The following PRKCA variants were observed in gnomAD, a reference collection of about 807,000 sequenced individuals.
PRKCA encodes protein kinase C alpha type.
PRKCA carries 27 observed loss-of-function variants against 87.0 expected under a neutral mutation model. The observed-to-expected ratio is 0.31, with a 90% CI of 0.23 to 0.43. The LOEUF is 0.43. PRKCA is among the 20% of genes least tolerant of loss of function. PRKCA has a pLI of 1.00. For synonymous variants in PRKCA, 329 were observed against 311.1 expected (o/e 1.06, Z -0.61); for missense variants, 518 against 852.3 (o/e 0.61, Z 4.88).
chr17:66,623,054 G>A (rs1036844953), intron 3 of PRKCA, among the ~76,000 whole-genome samples: 1 of 152,206 alleles, frequency 6.6e-6, no homozygotes, highest in African/African-American at 2.4e-5. Flanking sequence ...ATTTCCTGTA[G>A]GACAGACATT....
chr17:66,541,607 G>A (rs1967991438), intron 3 of PRKCA, among the ~76,000 whole-genome samples: 2 of 152,346 alleles, frequency 1.3e-5, no homozygotes, highest in African/African-American at 4.8e-5. Flanking sequence ...CACGTGCAAA[G>A]CAGAGCTGAC....
intron 14 of PRKCA, 124 bp from the exon 15 acceptor site, chr17:66,786,741 CTG>C (rs1256429813): frequency 3.1e-6 from 2 of 645,446 alleles, no homozygotes. Context: ...GCTGAGCAAA[CTG>C]TGCAGCCTGT....
At chr17:66,728,419 C>T (rs1973807666) in intron 8 of PRKCA, among the ~76,000 whole-genome samples, 1 of 152,220 alleles carries the variant, frequency 6.6e-6, no homozygotes, top group African/African-American at 2.4e-5. Flanking sequence ...AAGAATCTGC[C>T]CAGGCAGAGC....
intron 2 of PRKCA, chr17:66,414,895 T>G (rs1223131205): frequency 6.6e-6 from 1 of 152,096 alleles, no homozygotes; most frequent in Non-Finnish European, 1.5e-5. Flanking sequence ...ACTAGTTTAG[T>G]GACATGATGT....
At chr17:66,673,731 T>G (rs893698464) in intron 5 of PRKCA, among the ~76,000 whole-genome samples, 1 of 152,200 alleles carries the variant, frequency 6.6e-6, no homozygotes, top group African/African-American at 2.4e-5. Flanking sequence ...AGTCAAAAAT[T>G]GTTCATCGTG....
At chr17:66,572,541 A>C (rs1223255949) in intron 3 of PRKCA, among the ~76,000 whole-genome samples, 2 of 152,146 alleles carry the variant, frequency 1.3e-5, no homozygotes, top group Non-Finnish European at 2.9e-5. Flanking sequence ...GAAATGTTCC[A>C]GTTAGTCAAA....
chr17:66,431,159 A>G (rs1301579840), intron 2 of PRKCA, among the ~76,000 whole-genome samples: 1 of 152,218 alleles, frequency 6.6e-6, no homozygotes, highest in Admixed American at 6.5e-5. Context: ...CCACTAATTT[A>G]CTGTCCTTCT....
intron 5 of PRKCA, among the ~76,000 whole-genome samples, chr17:66,652,181 A>T (rs1216444224): frequency 1.3e-5 from 2 of 151,920 alleles, no homozygotes; most frequent in African/African-American, 4.8e-5. Flanking sequence ...CTGATCTCGA[A>T]CTCCTGACTT....
intron 3 of PRKCA, among the ~76,000 whole-genome samples, chr17:66,611,667 A>G (rs1970368056): frequency 6.6e-6 from 1 of 152,162 alleles, no homozygotes; most frequent in Non-Finnish European, 1.5e-5. Context: ...ATGTGGACAC[A>G]TGTTTTTTGT....
chr17:66,702,019 G>A (rs1204378024), intron 8 of PRKCA, among the ~76,000 whole-genome samples: 1 of 152,084 alleles, frequency 6.6e-6, no homozygotes, highest in East Asian at 1.9e-4. Context: ...GTACTCTCAA[G>A]TTCCTTGCAG....
At chr17:66,544,889 G>T (rs949359110) in intron 3 of PRKCA, among the ~76,000 whole-genome samples, 1 of 152,012 alleles carries the variant, frequency 6.6e-6, no homozygotes, top group African/African-American at 2.4e-5. Flanking sequence ...CACCATGTCC[G>T]ACCACCAATA....
At chr17:66,374,005 G>T (rs768341630) in intron 2 of PRKCA, among the ~76,000 whole-genome samples, 1 of 152,174 alleles carries the variant, frequency 6.6e-6, no homozygotes, top group Non-Finnish European at 1.5e-5. Flanking sequence ...GGGTTTGAGG[G>T]CAGCTGTTCA....
At chr17:66,349,666 T>C (rs1040203060) in intron 2 of PRKCA, among the ~76,000 whole-genome samples, 3 of 152,168 alleles carry the variant, frequency 2.0e-5, no homozygotes, top group East Asian at 1.9e-4. Context: ...GTCCAGGTCC[T>C]GTATTCTCAC....
intron 3 of PRKCA, among the ~76,000 whole-genome samples, chr17:66,545,610 A>T (rs561234447): frequency 1.3e-5 from 2 of 152,134 alleles, no homozygotes; most frequent in East Asian, 3.9e-4. Flanking sequence ...AATTAATGAG[A>T]AAAAAAGGCT....
chr17:66,501,247 G>A (rs1170740901), intron 3 of PRKCA, among the ~76,000 whole-genome samples: 1 of 152,182 alleles, frequency 6.6e-6, no homozygotes, highest in Non-Finnish European at 1.5e-5. Context: ...AGGAGCAGTC[G>A]TAGTTGAGAG....
intron 8 of PRKCA, among the ~76,000 whole-genome samples, chr17:66,705,448 T>C (rs1268081027): frequency 1.3e-5 from 2 of 152,188 alleles, no homozygotes; most frequent in African/African-American, 2.4e-5. Flanking sequence ...GCTGGCAGCA[T>C]GCTTTCAGTT....
chr17:66,674,548 C>G (rs1211302961), intron 5 of PRKCA, among the ~76,000 whole-genome samples: 2 of 152,154 alleles, frequency 1.3e-5, no homozygotes, highest in African/African-American at 2.4e-5. Flanking sequence ...AGAACCAATG[C>G]CAGCTCCTAA....
chr17:66,495,565 T>TTA (rs1567858270), intron 2 of PRKCA, among the ~76,000 whole-genome samples: 1 of 151,790 alleles, frequency 6.6e-6, no homozygotes, highest in Admixed American at 6.6e-5. Flanking sequence ...TTATTTTATT[T>TTA]TTTGAGACGG....
intron 3 of PRKCA, among the ~76,000 whole-genome samples, chr17:66,524,014 T>A (rs1254227542): frequency 6.6e-6 from 1 of 152,110 alleles, no homozygotes; most frequent in Non-Finnish European, 1.5e-5. Flanking sequence ...ACTCCTCAAT[T>A]TTTATCCCAT....
Sources: allele counts gnomAD v4.1 joint callset (sites outside exome capture counted in the v4.1 genomes callset), GRCh38; gene constraint gnomAD v4.1.1; transcripts MANE v1.5; gene names NCBI Gene and HGNC (gene_info 2026-07-23, HGNC 2026-07-21).